Variants in WWP2 observed in about 807,000 individuals in gnomAD.
The protein encoded by WWP2 is WW domain containing E3 ubiquitin protein ligase 2, also known as NEDD4-like E3 ubiquitin-protein ligase WWP2.
A neutral mutation model predicts 121.0 loss-of-function variants in WWP2; 57 were observed. The observed-to-expected ratio is 0.47, with a 90% confidence interval of 0.38 to 0.59. WWP2 has a LOEUF of 0.59. Among genes scored for constraint, WWP2 ranks in the 20% least tolerant of loss-of-function variants. The pLI is 0.00. For synonymous variants in WWP2, 449 were observed against 441.3 expected (o/e 1.02, Z -0.22); for missense variants, 962 against 1,158.9 (o/e 0.83, Z 2.47).
chr16:69,939,754 C>G (rs750076266), intron 23 of WWP2, 87 bp from the exon 24 acceptor site: 13 of 1,272,424 alleles, frequency 1.0e-5, no homozygotes, highest in Non-Finnish European at 1.3e-5. Flanking sequence ...GGTGCAAGCC[C>G]TGTGGCCCTG....
chr16:69,907,615 T>G (rs1311136364), intron 8 of WWP2, among the ~76,000 whole-genome samples: 1 of 152,114 alleles, frequency 6.6e-6, no homozygotes, highest in Non-Finnish European at 1.5e-5. Context: ...GTAAGTAGAG[T>G]TATTGTCAGA....
At chr16:69,765,551 C>T (rs866759426) in intron 1 of WWP2, among the ~76,000 whole-genome samples, 4 of 152,086 alleles carry the variant, frequency 2.6e-5, no homozygotes, top group South Asian at 2.1e-4. Context: ...TGGCCAGGTG[C>T]GGTGGCTCAC....
At chr16:69,849,047 C>T (rs762313244) in intron 6 of WWP2, among the ~76,000 whole-genome samples, 3 of 152,188 alleles carry the variant, frequency 2.0e-5, no homozygotes, top group Admixed American at 6.5e-5. Context: ...TCTGTAATCT[C>T]GGAGACTTAT....
intron 8 of WWP2, among the ~76,000 whole-genome samples, chr16:69,890,544 G>C (rs1165595547): frequency 2.6e-5 from 4 of 152,136 alleles, no homozygotes; most frequent in Non-Finnish European, 4.4e-5. Context: ...TTATAATTTG[G>C]GGGGAACAAT....
intron 17 of WWP2, among the ~76,000 whole-genome samples, chr16:69,934,715 T>C (rs2058769301): frequency 6.6e-6 from 1 of 150,440 alleles, no homozygotes; most frequent in South Asian, 2.1e-4. Context: ...CCAGAGACCC[T>C]GGGCCCCCTC....
rs375794420 is a variant in WWP2, at chr16:69,807,891, A to G, written c.340+8596A>G. 3.6e-4 allele frequency among the ~76,000 whole-genome samples: 55 copies of G among 151,262 alleles called. No homozygotes were observed. In the South Asian group the frequency reaches 0.012, roughly 32 times the overall value. ...GGAGGATTGCTTCAGTCTGGGAGAT[A>G]GAGGCTGCAGTAAGCTGTAATCATG... On this transcript the variant is annotated intron_variant, in intron 4 of 23. Coordinates refer to ENST00000359154, the MANE Select transcript of WWP2 (RefSeq NM_001270454.2).
intron 6 of WWP2, among the ~76,000 whole-genome samples, chr16:69,853,512 C>T (rs1405161449): frequency 1.3e-5 from 2 of 152,206 alleles, no homozygotes; most frequent in African/African-American, 2.4e-5. Context: ...ACCTAAATCA[C>T]ACCCAGAGCC....
intron 7 of WWP2, among the ~76,000 whole-genome samples, chr16:69,873,960 A>C (rs1233902703): frequency 1.3e-5 from 2 of 152,140 alleles, no homozygotes; most frequent in African/African-American, 4.8e-5. Flanking sequence ...CCTTATCTCT[A>C]GGAACCTTAT....
chr16:69,879,574 A>G (rs996917144), intron 7 of WWP2, among the ~76,000 whole-genome samples: 3 of 152,224 alleles, frequency 2.0e-5, no homozygotes, highest in Non-Finnish European at 4.4e-5. Flanking sequence ...AAGGCTGAAT[A>G]ATATTCCGTT....
chr16:69,789,210 A>G (rs1597667638), intron 2 of WWP2, among the ~76,000 whole-genome samples: 1 of 151,786 alleles, frequency 6.6e-6, no homozygotes, highest in Admixed American at 6.6e-5. Context: ...AGTGTGTGCC[A>G]CCAGGCCTGG....
chr16:69,865,407 A>G (rs2151908555), intron 6 of WWP2, among the ~76,000 whole-genome samples: 2 of 152,340 alleles, frequency 1.3e-5, no homozygotes, highest in Admixed American at 1.3e-4. Flanking sequence ...CTGAATTTTA[A>G]GAGTTCTCTA....
At chr16:69,846,048 T>TAAAAAA (rs1567700143) in intron 6 of WWP2, among the ~76,000 whole-genome samples, 1 of 1,728 alleles carries the variant, frequency 5.8e-4, no homozygotes. Flanking sequence ...AGACTCCATC[T>TAAAAAA]CAAAAAAAAA....
chr16:69,892,770 G>A (rs1462059481), intron 8 of WWP2, among the ~76,000 whole-genome samples: 1 of 152,202 alleles, frequency 6.6e-6, no homozygotes. Context: ...CTAGGCTCAA[G>A]CAATCCTCCT....
At chr16:69,884,839 T>C (rs1429253112) in intron 7 of WWP2, among the ~76,000 whole-genome samples, 4 of 152,160 alleles carry the variant, frequency 2.6e-5, no homozygotes, top group Admixed American at 2.0e-4. Flanking sequence ...GGAAGCCAAA[T>C]AGTTGATATG....
chr16:69,853,329 C>T (rs986820539), intron 6 of WWP2, among the ~76,000 whole-genome samples: 4 of 152,208 alleles, frequency 2.6e-5, no homozygotes, highest in African/African-American at 9.7e-5. Flanking sequence ...CTCCAGTTCA[C>T]ATGCCAAGAA....
At chr16:69,770,081 C>T (rs561121961) in intron 1 of WWP2, among the ~76,000 whole-genome samples, 11 of 152,148 alleles carry the variant, frequency 7.2e-5, no homozygotes, top group Admixed American at 3.9e-4. Context: ...AGGCTGGTCT[C>T]GAACTCCTGA....
At chr16:69,880,558 C>G (rs1395985454) in intron 7 of WWP2, among the ~76,000 whole-genome samples, 1 of 152,206 alleles carries the variant, frequency 6.6e-6, no homozygotes, top group African/African-American at 2.4e-5. Context: ...TCCCATCAAT[C>G]AGGTAACACA....
At chr16:69,798,463 G>A (rs1030500238) in intron 2 of WWP2, among the ~76,000 whole-genome samples, 3 of 150,832 alleles carry the variant, frequency 2.0e-5, no homozygotes, top group Non-Finnish European at 4.4e-5. Context: ...AGTTATCCCA[G>A]TGGTTTCAGG....
At chr16:69,773,404 C>T (rs900410036) in intron 1 of WWP2, among the ~76,000 whole-genome samples, 3 of 152,164 alleles carry the variant, frequency 2.0e-5, no homozygotes, top group Non-Finnish European at 4.4e-5. Context: ...ATCTCGAACT[C>T]TTGACCTCAT....
Sources: gnomAD v4.1 joint callset for allele counts (sites outside exome capture counted in the v4.1 genomes callset) on GRCh38, gnomAD v4.1.1 for gene constraint, MANE v1.5 for transcripts, NCBI Gene and HGNC (gene_info 2026-07-23, HGNC 2026-07-21) for gene names.